DMD: variants seen among roughly 807,000 people sequenced by gnomAD.
DMD encodes the protein dystrophin, also known as mutant dystrophin.
Under a neutral mutation model 330.1 loss-of-function variants are expected in DMD, and 63 were observed. That is an observed-to-expected ratio of 0.19 (90% CI 0.16 to 0.24). The LOEUF is 0.24. Ranked by LOEUF, DMD falls within the 10% of genes least tolerant of loss-of-function variation. The pLI, the probability that DMD is intolerant of heterozygous loss-of-function variation, is 1.00. For synonymous variants in DMD, 1,223 were observed against 959.8 expected, an observed-to-expected ratio of 1.27 and a Z score of -5.07; for missense variants, 3,344 against 2,684.1, an observed-to-expected ratio of 1.25 and a Z score of -5.43.
At chrX:32,783,386 CATAT>C (rs757321130) in intron 7 of DMD, among the ~76,000 whole-genome samples, 1 of 99,814 alleles carries the variant, frequency 1.0e-5, no homozygotes, top group African/African-American at 3.6e-5. Flanking sequence ...ACATATATAC[CATAT>C]ATATACACAC....
chrX:33,225,317 A>C (rs1041265240), intron 1 of DMD, among the ~76,000 whole-genome samples: 1 of 112,000 alleles, frequency 8.9e-6, no homozygotes, highest in African/African-American at 3.2e-5. Context: ...AGACTTATTA[A>C]ATAGCTACAG....
intron 29 of DMD, among the ~76,000 whole-genome samples, chrX:32,419,576 G>T (rs1408811504): frequency 8.9e-6 from 1 of 111,996 alleles, no homozygotes; most frequent in East Asian, 2.8e-4. Flanking sequence ...AATAAAGAAG[G>T]TTACATTATT....
At chrX:32,636,881 C>G (rs772605456) in intron 11 of DMD, among the ~76,000 whole-genome samples, 36 of 109,852 alleles carry the variant, frequency 3.3e-4, no homozygotes, top group East Asian at 2.6e-3. Flanking sequence ...ACCTGTAGTC[C>G]CAACTACTGG....
At chrX:31,487,837 T>G (rs1360866987) in intron 57 of DMD, among the ~76,000 whole-genome samples, 1 of 111,991 alleles carries the variant, frequency 8.9e-6, no homozygotes, top group Non-Finnish European at 1.9e-5. Context: ...TAAATGAGAT[T>G]GAATAAATTT....
chrX:33,047,709 G>A (rs1176309871), intron 1 of DMD, among the ~76,000 whole-genome samples: 1 of 111,776 alleles, frequency 8.9e-6, no homozygotes, highest in African/African-American at 3.2e-5. Context: ...TTTAAAACAA[G>A]GCACTTAAAT....
At chrX:31,586,212 CT>C (rs1210070447) in intron 55 of DMD, among the ~76,000 whole-genome samples, 1 of 111,837 alleles carries the variant, frequency 8.9e-6, no homozygotes, top group African/African-American at 3.2e-5. Flanking sequence ...AGAAAGTTTT[CT>C]ATTAATTAAA....
At chrX:31,720,224 C>G (rs1198626250) in intron 52 of DMD, among the ~76,000 whole-genome samples, 1 of 112,009 alleles carries the variant, frequency 8.9e-6, no homozygotes, top group African/African-American at 3.2e-5. Flanking sequence ...AGGTGGCAAG[C>G]AATTTTCAAA....
chrX:31,617,835 A>G (rs888894158), intron 55 of DMD, among the ~76,000 whole-genome samples: 1 of 112,003 alleles, frequency 8.9e-6, no homozygotes, highest in African/African-American at 3.2e-5. Context: ...AATGCCCATC[A>G]ATGGTAGATC....
intron 2 of DMD, among the ~76,000 whole-genome samples, chrX:32,931,772 T>C (rs2089617173): frequency 8.9e-6 from 1 of 111,773 alleles, no homozygotes; most frequent in African/African-American, 3.2e-5. Flanking sequence ...GAGTGTAACA[T>C]AGAATATAGG....
intron 55 of DMD, among the ~76,000 whole-genome samples, chrX:31,568,644 T>A (rs1253396769): frequency 8.9e-6 from 1 of 111,736 alleles, no homozygotes; most frequent in Non-Finnish European, 1.9e-5. Context: ...TTAACCTACC[T>A]AGGTTGTATT....
intron 1 of DMD, among the ~76,000 whole-genome samples, chrX:33,268,587 C>G (rs1216828738): frequency 9.0e-6 from 1 of 111,692 alleles, no homozygotes; most frequent in African/African-American, 3.3e-5. Context: ...AAAAGCAAAA[C>G]CACAATGAGA....
chrX:32,068,373 C>CTTTTTTTTTTTTTTT (rs1569539146), intron 44 of DMD, among the ~76,000 whole-genome samples: 1 of 60,508 alleles, frequency 1.7e-5, no homozygotes, highest in African/African-American at 7.6e-5. Context: ...CCTTGCTTGT[C>CTTTTTTTTTTTTTTT]ATTTTTTTTT....
chrX:31,366,613 T>A (rs2059277491), intron 60 of DMD, among the ~76,000 whole-genome samples: 1 of 108,714 alleles, frequency 9.2e-6, no homozygotes, highest in South Asian at 3.9e-4. Flanking sequence ...TTTAAGACTT[T>A]TTTTTTTAAG....
intron 44 of DMD, among the ~76,000 whole-genome samples, chrX:32,174,388 C>T (rs2096898786): frequency 8.9e-6 from 1 of 112,356 alleles, no homozygotes; most frequent in South Asian, 3.6e-4. Context: ...CAAGTGACTC[C>T]TGACAACAAC....
At chrX:33,211,765 G>A (rs181210286), upstream of DMD, among the ~76,000 whole-genome samples, 26 of 112,577 alleles carry the variant, frequency 2.3e-4, no homozygotes, top group Non-Finnish European at 4.3e-4. Flanking sequence ...AGTGGACATA[G>A]TACTTGCTTT....
chrX:33,217,426 C>A (rs1025663680), intron 1 of DMD, among the ~76,000 whole-genome samples: 1 of 111,254 alleles, frequency 9.0e-6, no homozygotes, highest in Non-Finnish European at 1.9e-5. Flanking sequence ...CAGTATATAT[C>A]TCCGTTTATT....
intron 53 of DMD, 75 bp from the exon 54 acceptor site, chrX:31,658,219 C>T: frequency 1.9e-6 from 2 of 1,069,274 alleles, no homozygotes; most frequent in Non-Finnish European, 2.6e-6. Flanking sequence ...TCTTAAAATA[C>T]TTCGTAAACA....
intron 2 of DMD, among the ~76,000 whole-genome samples, chrX:32,938,441 T>A (rs2146781352): frequency 9.0e-6 from 1 of 111,350 alleles, no homozygotes; most frequent in East Asian, 2.8e-4. Context: ...CACTTTATAC[T>A]CTGTCCCTGA....
upstream of DMD, among the ~76,000 whole-genome samples, chrX:33,211,901 A>C (rs2051934262): frequency 8.9e-6 from 1 of 112,529 alleles, no homozygotes; most frequent in Non-Finnish European, 1.9e-5. Flanking sequence ...TGCCTTTTTT[A>C]TCCTCTCAAC....
Sources: allele counts gnomAD v4.1 joint callset (sites outside exome capture counted in the v4.1 genomes callset), GRCh38; gene constraint gnomAD v4.1.1; transcripts MANE v1.5; gene names NCBI Gene and HGNC (gene_info 2026-07-23, HGNC 2026-07-21).